SKOR1: variants seen among roughly 807,000 people sequenced by gnomAD.
SKOR1 encodes the protein SKI family transcriptional corepressor 1.
SKOR1 carries 38 observed loss-of-function variants against 72.4 expected under a neutral mutation model. That is an observed-to-expected ratio of 0.52 (90% CI 0.40 to 0.69). The LOEUF (loss-of-function observed/expected upper bound fraction) is 0.69, where lower values mean the gene tolerates loss of function less well. Ranked by LOEUF, SKOR1 falls within the 30% of genes least tolerant of loss-of-function variation. The pLI is 0.00. For missense variants in SKOR1, 1,320 were observed against 1,343.2 expected (o/e 0.98, Z 0.27); for synonymous variants, 642 against 599.4 (o/e 1.07, Z -1.04).
chr15:67,831,754 G>T (rs1375081365), intron 5 of SKOR1, among the ~76,000 whole-genome samples: 1 of 152,064 alleles, frequency 6.6e-6, no homozygotes, highest in Non-Finnish European at 1.5e-5. Context: ...AAAATCACTG[G>T]TGCTTTATAG....
In SKOR1 at chr15:67,834,536, TTTA is replaced by T. The variant is rs1183852039; in HGVS notation, c.*701_*703del. On this transcript the variant is annotated 3_prime_UTR_variant, in exon 9 of 9. Coordinates refer to ENST00000380035, the MANE Select transcript of SKOR1 (RefSeq NM_001365915.1). This position sits in a 1 kb window ranked among gnomAD's most constrained non-coding sequence, Gnocchi z 5.8. Reference sequence around the variant, plus strand: ...CCACCCTGTACCCGTGACTTTCGTTTTTAATAATAATAATAATAATAATAAAAG... The same window carrying T: ...CCACCCTGTACCCGTGACTTTCGTTTATAATAATAATAATAATAATAAAAG... 1 of 119,698 alleles carries T rather than the reference TTTA, an allele frequency of 8.4e-6. No individual in the cohort carries two copies. Among genetic ancestry groups the T allele is most frequent in the Non-Finnish European group, 1.8e-5 (1 of 56,828 alleles). The allele number at this position is 119,698 out of a possible 1,614,324, so 7.4% of individuals were successfully genotyped here. A position where few individuals can be genotyped will look rare whatever the true frequency, so the allele number is the denominator to read the frequency against.
rs2091025946 is a variant in SKOR1, at chr15:67,833,676, G to C, written c.2804-66G>C. On this transcript the variant is annotated intron_variant, in intron 8 of 8. Coordinates refer to ENST00000380035, the MANE Select transcript of SKOR1 (RefSeq NM_001365915.1). The surrounding 1 kb of genome is among the most constrained non-coding windows in gnomAD (Gnocchi z 6.0). ...GTTGGTAAGGCCGGGGAGGGGAAAG[G>C]GTGGACTGCGCGGTGAGGTGAGCCT... 6.6e-7 allele frequency: 1 copy of C among 1,516,006 alleles called. No homozygotes were observed. Among genetic ancestry groups the C allele is most frequent in the Non-Finnish European group, 9.1e-7 (1 of 1,093,420 alleles). 93.9% of individuals were successfully genotyped at this position (1,516,006 alleles called of 1,614,324 possible).
Position 67,830,253 on chromosome 15 carries a change from G to A in SKOR1, c.2470G>A (p.Asp824Asn). The A allele has an allele frequency of 6.2e-7, 1 of 1,614,170 alleles. No homozygotes were observed. Among genetic ancestry groups the A allele is most frequent in the Non-Finnish European group, 8.5e-7 (1 of 1,180,002 alleles). ...TTTGGAAACGAGGAAATCCTATCCA[G>A]ACCAAAGGAGTATCTCCCAGCCAAG... The part of the protein sequence containing the change: ...DDLETRKSYP[D>N]QRSISQPSPA... Residue 824 changes from aspartate to asparagine, a missense_variant, in exon 4 of 9, where the codon GAC becomes AAC. By Grantham distance (23) the Asp-to-Asn change is conservative. Around this residue, in one of 3 missense-constraint regions of SKOR1, gnomAD observed 1,099 missense variants for 1,025.5 expected, o/e 1.07. Coordinates refer to ENST00000380035, the MANE Select transcript of SKOR1 (RefSeq NM_001365915.1).
chr15:67,827,044 T>G lies in SKOR1; in HGVS notation c.1216T>G (p.Cys406Gly). The part of the protein sequence containing the change: ...PYGFPTAFGL[C>G]PKKDDPVLGA... ...CGGCTTCCCTACGGCCTTCGGCCTA[T>G]GCCCCAAAAAGGACGACCCGGTTTT... Residue 406 changes from cysteine (C) to glycine (G), a missense_variant, in exon 2 of 9, where the codon TGC becomes GGC. By Grantham distance (159) the Cys-to-Gly change is radical (BLOSUM62 -3). Around this residue, in one of 3 missense-constraint regions of SKOR1, gnomAD observed 1,099 missense variants for 1,025.5 expected, o/e 1.07. Transcript: ENST00000380035. The G allele has an allele frequency of 6.4e-7, 1 of 1,566,906 alleles. No homozygotes were observed. Among genetic ancestry groups the G allele is most frequent in the Non-Finnish European group, 8.6e-7 (1 of 1,163,870 alleles).
rs2091027630 is a variant in SKOR1 at position 67,833,856 on chromosome 15, C to T, written c.*20C>T. 3 of 1,603,282 alleles carry T rather than the reference C, an allele frequency of 1.9e-6. No homozygotes were observed. Among genetic ancestry groups the T allele is most frequent in the Non-Finnish European group, 2.5e-6 (3 of 1,177,924 alleles). ...CCCTAGGGCCGGCCTGGCCGCACCC[C>T]TGCGCCCTCAAGCCATGCTGCTCCT... is the stretch of plus-strand genomic sequence containing the variant. On this transcript the variant is annotated 3_prime_UTR_variant, in exon 9 of 9. Coordinates refer to ENST00000380035, the MANE Select transcript of SKOR1 (RefSeq NM_001365915.1). The surrounding 1 kb of genome is among the most constrained non-coding windows in gnomAD (Gnocchi z 6.0).
chr15:67,831,909 G>C (rs1428931938), intron 5 of SKOR1, among the ~76,000 whole-genome samples: 2 of 147,964 alleles, frequency 1.4e-5, no homozygotes, highest in African/African-American at 5.2e-5. Flanking sequence ...GGTGCGGGGG[G>C]GGGAGGTCGG....
chr15:67,827,908 C>A lies in SKOR1; in HGVS notation c.2080C>A (p.Pro694Thr). 1 of 1,595,252 alleles carries A rather than the reference C, an allele frequency of 6.3e-7. No homozygotes were observed. The highest frequency in any genetic ancestry group is 1.7e-4 in the Middle Eastern group (1 of 6,026). ...AGGGGGCGGCCCAGACGGTGAACAG[C>A]CCACTGGACCCCCTTCCGCCACCTC... The part of the protein sequence containing the change: ...SAGGGPDGEQ[P>T]TGPPSATSSG... Residue 694 changes from proline (P) to threonine (T), a missense_variant, in exon 2 of 9, where the codon CCC (proline) becomes ACC (threonine). By Grantham distance (38) the Pro-to-Thr change is conservative. Around this residue, in one of 3 missense-constraint regions of SKOR1, gnomAD observed 1,099 missense variants for 1,025.5 expected, o/e 1.07. Transcript: ENST00000380035.
chr15:67,829,253 C>T lies in SKOR1; in HGVS notation c.2391C>T (p.Cys797=), dbSNP rs2090989869. The T allele has an allele frequency of 6.4e-7, 1 of 1,561,130 alleles. No individual in the cohort carries two copies. Among genetic ancestry groups the T allele is most frequent in the Non-Finnish European group, 8.6e-7 (1 of 1,160,734 alleles). The change falls in exon 3 of 9, where the codon TGC becomes TGT. Residue 797 remains cysteine, a synonymous_variant. Coordinates refer to ENST00000380035, the MANE Select transcript of SKOR1 (RefSeq NM_001365915.1). ...VALGPAASYV[C]TPEAHEPDKE... ...TGGGGCCCGCGGCCTCCTACGTCTG[C>T]ACCCCCGAGGCCCACGGTAACGCCT...
At position 67,829,311 on chromosome 15, in the gene SKOR1, C is replaced by T. The variant is rs773057781; in HGVS notation, c.2407+42C>T. 21 of 1,479,256 alleles carry T rather than the reference C, an allele frequency of 1.4e-5. No individual in the cohort carries two copies. The South Asian group carries it at 2.6e-4, about 18-fold the overall frequency. 91.6% of individuals were successfully genotyped at this position (1,479,256 alleles called of 1,614,324 possible). On this transcript the variant is annotated intron_variant, in intron 3 of 8. Coordinates refer to ENST00000380035, the MANE Select transcript of SKOR1 (RefSeq NM_001365915.1). Reference sequence around the variant, plus strand: ...CCGCTGGCCACTGTAATGGGGGAACCGCAGACAGAGGGCCGGGGTCAAGGA... The same window carrying T: ...CCGCTGGCCACTGTAATGGGGGAACTGCAGACAGAGGGCCGGGGTCAAGGA...
intron 2 of SKOR1, among the ~76,000 whole-genome samples, chr15:67,828,691 G>A (rs1404917421): frequency 6.6e-6 from 1 of 152,202 alleles, no homozygotes; most frequent in East Asian, 1.9e-4. Flanking sequence ...AAGCTGTCTC[G>A]GGACCGCGTG....
Position 67,825,697 on chromosome 15 carries a change from G to C in SKOR1, c.95G>C (p.Arg32Pro), listed in dbSNP as rs578062978. 1.3e-6 allele frequency: 1 copy of C among 748,548 alleles called. No homozygotes were observed. 46.4% of individuals were successfully genotyped at this position (748,548 alleles called of 1,614,324 possible). The change falls in exon 1 of 9, where the codon CGG becomes CCG. Residue 32 changes from arginine to proline, a missense_variant. By Grantham distance (103) the Arg-to-Pro change is moderately radical. Coordinates refer to ENST00000380035, the MANE Select transcript of SKOR1 (RefSeq NM_001365915.1). The surrounding 1 kb of genome is among the most constrained non-coding windows in gnomAD (Gnocchi z 5.6). ...SENGIGFLAA[R>P]AFLRSGGMEA... ...AACGGGATTGGGTTCCTTGCAGCCC[G>C]GGCATTCCTGAGGTCTCCTTTACCC...
Position 67,831,903 on chromosome 15 carries a change from C to CCG in SKOR1, c.2588-371_2588-370insCG, listed in dbSNP as rs1476265010. Among the ~76,000 whole-genome samples the CCG allele has an allele frequency of 2.8e-3, 79 of 28,692 alleles. 1 individual carries two copies. Among genetic ancestry groups the CCG allele is most frequent in the African/African-American group, 0.015 (56 of 3,638 alleles). The allele number at this position is 28,692 out of a possible 152,430, so 18.8% of individuals were successfully genotyped here. On this transcript the variant is annotated intron_variant, in intron 5 of 8. Coordinates refer to ENST00000380035, the MANE Select transcript of SKOR1 (RefSeq NM_001365915.1). Reference sequence around the variant, plus strand: ...GATTTATATTGAAAGGGCGGCGGTGCGGGGGGGGGAGGTCGGGGCCGGGGC... The same window carrying CCG: ...GATTTATATTGAAAGGGCGGCGGTGCCGGGGGGGGGGAGGTCGGGGCCGGGGC...
At position 67,828,016 on chromosome 15, in the gene SKOR1, C is replaced by G. The variant is rs200956599; in HGVS notation, c.2188C>G (p.Arg730Gly). 6 of 1,539,606 alleles carry G rather than the reference C, an allele frequency of 3.9e-6. No individual in the cohort carries two copies. The highest frequency in any genetic ancestry group is 5.2e-6 in the Non-Finnish European group (6 of 1,144,748). The change falls in exon 2 of 9, where the codon CGG (arginine) becomes GGG (glycine). Residue 730 changes from arginine to glycine, a missense_variant. This residue lies in a region of SKOR1 where 1,099 missense variants were observed against 1,025.5 expected (regional missense o/e 1.07). Coordinates refer to ENST00000380035, the MANE Select transcript of SKOR1 (RefSeq NM_001365915.1). ...RRRLGPPPAG[R>G]PAFGDLAAED... ...CCGCCTCGGGCCACCCCCAGCTGGC[C>G]GGCCCGCATTTGGGGACTTGGCAGC... is the stretch of plus-strand genomic sequence containing the variant.
In SKOR1 at chr15:67,827,170, C is replaced by T. The variant is rs1264860357; in HGVS notation, c.1342C>T (p.Pro448Ser). Residue 448 changes from proline to serine, a missense_variant, in exon 2 of 9, where the codon CCG becomes TCG. This residue lies in a region of SKOR1 where 1,099 missense variants were observed against 1,025.5 expected (regional missense o/e 1.07). Transcript: ENST00000380035. ...GGGCCCGGGAGCCAGCCACTTGCCC[C>T]CGGGGGCAGGGGCGGGCCCGGGCGG... is the stretch of plus-strand genomic sequence containing the variant. ...AGGPGASHLP[P>S]GAGAGPGGGA... is the part of the protein sequence containing the mutation. The T allele has an allele frequency of 7.4e-7, 1 of 1,355,558 alleles. No homozygotes were observed. Among genetic ancestry groups the T allele is most frequent in the Admixed American group, 3.8e-5 (1 of 26,154 alleles). The allele number at this position is 1,355,558 out of a possible 1,614,324, so 84.0% of individuals were successfully genotyped here.
chr15:67,829,359 A>G, intron 3 of SKOR1, 90 bp downstream of exon 3: 1 of 1,090,876 alleles, frequency 9.2e-7, no homozygotes, highest in South Asian at 1.5e-5. Context: ...GAAGACAAGG[A>G]GAGAGACGCA....
Position 67,830,280 on chromosome 15 carries a change from C to T in SKOR1, c.2497C>T (p.Pro833Ser). 6.2e-7 allele frequency: 1 copy of T among 1,614,172 alleles called. No homozygotes were observed. Among genetic ancestry groups the T allele is most frequent in the East Asian group, 2.2e-5 (1 of 44,882 alleles). Residue 833 changes from proline to serine, a missense_variant, in exon 4 of 9, where the codon CCT becomes TCT. By Grantham distance (74) the Pro-to-Ser change is moderately conservative (BLOSUM62 -1). Transcript: ENST00000380035. ...PDQRSISQPS[P>S]ANTDRGEDGL... ...CCAAAGGAGTATCTCCCAGCCAAGTCCTGCAAATACAGACAGAGGTGAGCC... is the reference window on the plus strand; with the variant it reads ...CCAAAGGAGTATCTCCCAGCCAAGTTCTGCAAATACAGACAGAGGTGAGCC...
rs1415946439 is a variant in SKOR1, at chr15:67,827,673, G to T, written c.1845G>T (p.Ala615=). 1.3e-6 allele frequency: 2 copies of T among 1,533,198 alleles called. No homozygotes were observed. The highest frequency in any genetic ancestry group is 8.8e-7 in the Non-Finnish European group (1 of 1,141,936). 95.0% of individuals were successfully genotyped at this position (1,533,198 alleles called of 1,614,324 possible). ...AGCTCTACGGGAGCGCCCGGGAGGC[G>T]TACGGCGCGGGGCCTGCTCGGGGGC... ...IAKLYGSARE[A]YGAGPARGPG... The change falls in exon 2 of 9, where the codon GCG becomes GCT. Residue 615 remains alanine, a synonymous_variant. Coordinates refer to ENST00000380035, the MANE Select transcript of SKOR1 (RefSeq NM_001365915.1).
chr15:67,833,108 G>A lies in SKOR1; in HGVS notation c.2738-84G>A. Reference sequence around the variant, plus strand: ...GTTTCTGCGCGGAGCTTAGCCCTGGGGAGAGGAGGAAGCCCGGGCTGTGAC... The same window carrying A: ...GTTTCTGCGCGGAGCTTAGCCCTGGAGAGAGGAGGAAGCCCGGGCTGTGAC... On this transcript the variant is annotated intron_variant, in intron 7 of 8. Transcript: ENST00000380035. The surrounding 1 kb of genome is among the most constrained non-coding windows in gnomAD (Gnocchi z 6.0). 4 of 1,438,590 alleles carry A rather than the reference G, an allele frequency of 2.8e-6. No individual in the cohort carries two copies. The highest frequency in any genetic ancestry group is 2.9e-6 in the Non-Finnish European group (3 of 1,028,414). 89.1% of individuals were successfully genotyped at this position (1,438,590 alleles called of 1,614,324 possible).
In SKOR1 at chr15:67,825,636, C is replaced by T. The variant is rs770917423; in HGVS notation, c.34C>T (p.Leu12=). 2.8e-6 allele frequency: 2 copies of T among 719,798 alleles called. No homozygotes were observed. Among genetic ancestry groups the T allele is most frequent in the Admixed American group, 4.0e-5 (2 of 50,038 alleles). 44.6% of individuals were successfully genotyped at this position (719,798 alleles called of 1,614,324 possible). A position where few individuals can be genotyped will look rare whatever the true frequency, so the allele number is the denominator to read the frequency against. ...ALLCGLGQVT[L]RIWVSLPSQS... ...GCTGTGTGGCCTTGGGCAAGTCACT[C>T]TGCGTATCTGGGTTTCACTTCCTTC... is the stretch of plus-strand genomic sequence containing the variant. Residue 12 remains leucine, a synonymous_variant, in exon 1 of 9, where the codon CTG becomes TTG. Coordinates refer to ENST00000380035, the MANE Select transcript of SKOR1 (RefSeq NM_001365915.1). This position sits in a 1 kb window ranked among gnomAD's most constrained non-coding sequence, Gnocchi z 5.6.
Sources: gnomAD v4.1 joint callset for allele counts (sites outside exome capture counted in the v4.1 genomes callset) on GRCh38, gnomAD v4.1.1 for gene constraint, gnomAD v4.1.1 regional missense constraint, Gnocchi (gnomAD v3.1) non-coding constraint, MANE v1.5 for transcripts, NCBI Gene and HGNC (gene_info 2026-07-23, HGNC 2026-07-21) for gene names.